Variants in GRIK1 observed in about 807,000 individuals in gnomAD.
GRIK1 encodes glutamate receptor ionotropic, kainate 1.
A neutral mutation model predicts 105.7 loss-of-function variants in GRIK1; 69 were observed. That is an observed-to-expected ratio of 0.65 (90% CI 0.54 to 0.80). The LOEUF (loss-of-function observed/expected upper bound fraction) is 0.80. GRIK1 is among the 30% of genes least tolerant of loss of function. The pLI is 0.00. For synonymous variants in GRIK1, 438 were observed against 431.3 expected, an observed-to-expected ratio of 1.02 and a Z score of -0.19; for missense variants, 1,109 against 1,167.3, an observed-to-expected ratio of 0.95 and a Z score of 0.73.
intron 1 of GRIK1, among the ~76,000 whole-genome samples, chr21:29,833,856 T>C (rs1363208077): frequency 6.6e-6 from 1 of 152,200 alleles, no homozygotes; most frequent in Non-Finnish European, 1.5e-5. Context: ...ATTTCTTAAC[T>C]GCCATGAATA....
At chr21:29,659,409 G>C (rs1568943478) in intron 4 of GRIK1, among the ~76,000 whole-genome samples, 2 of 152,072 alleles carry the variant, frequency 1.3e-5, no homozygotes, top group African/African-American at 2.4e-5. Context: ...CATTGTTACA[G>C]AATTAATTAT....
intron 4 of GRIK1, among the ~76,000 whole-genome samples, chr21:29,662,786 A>G (rs1055210893): frequency 3.3e-5 from 5 of 152,182 alleles, no homozygotes; most frequent in East Asian, 1.9e-4. Context: ...AATAATTTAT[A>G]TCAGTGTTTC....
chr21:29,666,116 TA>T (rs1172383712), intron 4 of GRIK1, among the ~76,000 whole-genome samples: 3 of 152,048 alleles, frequency 2.0e-5, no homozygotes, highest in Non-Finnish European at 4.4e-5. Context: ...GAAAAATAAA[TA>T]AATAAGCCAG....
rs1217737235 is a variant in GRIK1, at chr21:29,891,486, T to C, written c.118+47897A>G. Among the ~76,000 whole-genome samples the C allele has an allele frequency of 2.0e-5, 3 of 152,168 alleles. No homozygotes were observed. In the East Asian group the frequency reaches 5.8e-4, roughly 29 times the overall value. ...AATGCATTCTACATCTAGAAAATGG[T>C]TATGTCTAAAAATTCCATTCCTTCC... On this transcript the variant is annotated intron_variant, in intron 1 of 17. Coordinates refer to ENST00000327783, the MANE Select transcript of GRIK1 (RefSeq NM_001330994.2).
intron 1 of GRIK1, among the ~76,000 whole-genome samples, chr21:29,823,339 T>C (rs2067357233): frequency 6.6e-6 from 1 of 151,928 alleles, no homozygotes; most frequent in Non-Finnish European, 1.5e-5. Flanking sequence ...AAAGATAGTA[T>C]GAGGGGAGAT....
chr21:29,841,028 A>T lies in GRIK1; in HGVS notation c.118+98355T>A, dbSNP rs932407942. Among the ~76,000 whole-genome samples, 5 of 152,208 alleles carry T rather than the reference A, an allele frequency of 3.3e-5. No individual in the cohort carries two copies. The East Asian group carries it at 9.6e-4, about 29-fold the overall frequency. On this transcript the variant is annotated intron_variant, in intron 1 of 17. Transcript: ENST00000327783. ...ATGGTCTGGCATTGTTTAACCATCT[A>T]GAAAAACCATATGTAATATTTAGCT...
At chr21:29,630,616 T>G in intron 7 of GRIK1, 1 of 471,190 alleles carries the variant, frequency 2.1e-6, no homozygotes, top group Non-Finnish European at 4.4e-6. Flanking sequence ...ACCTTGAACC[T>G]AGAATGAGAC....
rs2090223930 is a variant in GRIK1 at position 29,555,303 on chromosome 21, C to T, written c.2357-1G>A. 5.6e-6 allele frequency: 9 copies of T among 1,612,166 alleles called. No homozygotes were observed. Among genetic ancestry groups the T allele is most frequent in the Non-Finnish European group, 7.6e-6 (9 of 1,179,130 alleles). ...GTAATTTTATCCCGGTAAGGAGAAC[C>T]TGGAAGTAAAACCATCTGGATATTG... On this transcript the variant is annotated splice_acceptor_variant, in intron 15 of 17. Coordinates refer to ENST00000327783, the MANE Select transcript of GRIK1 (RefSeq NM_001330994.2). LOFTEE classifies it high-confidence loss of function.
At chr21:29,672,846 C>A in intron 4 of GRIK1, 137 bp downstream of exon 4, 1 of 676,090 alleles carries the variant, frequency 1.5e-6, no homozygotes, top group East Asian at 2.6e-5. Context: ...TAAAAGGGCT[C>A]TGAAAATTAT....
chr21:29,557,688 G>GA (rs1010969768), intron 15 of GRIK1, among the ~76,000 whole-genome samples: 1 of 152,146 alleles, frequency 6.6e-6, no homozygotes, highest in African/African-American at 2.4e-5. Flanking sequence ...AATTTTTGGT[G>GA]AAAAAAATGG....
At chr21:29,914,730 C>T (rs1424150452) in intron 1 of GRIK1, among the ~76,000 whole-genome samples, 2 of 152,016 alleles carry the variant, frequency 1.3e-5, no homozygotes, top group African/African-American at 4.8e-5. Flanking sequence ...CCTTTCCCTG[C>T]CATGTTGAGA....
chr21:29,673,176 C>T lies in GRIK1; in HGVS notation c.545-12G>A, dbSNP rs1177177047. ...TAGACGAATTAGACCTAGAAAATGA[C>T]ATGCAATCATGCAATGGAGACTGTT... On this transcript the variant is annotated splice_polypyrimidine_tract_variant and intron_variant, in intron 3 of 17. Coordinates refer to ENST00000327783, the MANE Select transcript of GRIK1 (RefSeq NM_001330994.2). The T allele has an allele frequency of 6.5e-7, 1 of 1,536,202 alleles. No individual in the cohort carries two copies. The highest frequency in any genetic ancestry group is 9.0e-7 in the Non-Finnish European group (1 of 1,111,180).
In GRIK1 at chr21:29,683,854, C is replaced by A. The variant is rs141618012; in HGVS notation, c.544+5874G>T. Among the ~76,000 whole-genome samples, 236 of 152,342 alleles carry A rather than the reference C, an allele frequency of 1.5e-3. 2 individuals are homozygous for A. Among genetic ancestry groups the A allele is most frequent in the African/African-American group, 5.5e-3 (229 of 41,582 alleles). On this transcript the variant is annotated intron_variant, in intron 3 of 17. Coordinates refer to ENST00000327783, the MANE Select transcript of GRIK1 (RefSeq NM_001330994.2). ...TGAAATACTTAATGATGGGGTTCAG[C>A]ACAGTGCTACCAGGAAATAGTTATT...
chr21:29,606,690 CAAAACA>C (rs1601247683), intron 7 of GRIK1, among the ~76,000 whole-genome samples: 1 of 150,378 alleles, frequency 6.6e-6, no homozygotes, highest in East Asian at 1.9e-4. Context: ...CAAAACAAAA[CAAAACA>C]AAAAAAACAA....
At chr21:29,885,316 T>C (rs1044798728) in intron 1 of GRIK1, among the ~76,000 whole-genome samples, 1 of 152,104 alleles carries the variant, frequency 6.6e-6, no homozygotes, top group African/African-American at 2.4e-5. Context: ...TAACTAAATA[T>C]AGGCATATTA....
chr21:29,659,301 G>A (rs2062915386), intron 4 of GRIK1, among the ~76,000 whole-genome samples: 1 of 152,162 alleles, frequency 6.6e-6, no homozygotes, highest in Non-Finnish European at 1.5e-5. Flanking sequence ...CAGATCTGAT[G>A]TAGCTGAGTT....
chr21:29,670,315 A>T (rs571651216), intron 4 of GRIK1, among the ~76,000 whole-genome samples: 1 of 152,318 alleles, frequency 6.6e-6, no homozygotes, highest in South Asian at 2.1e-4. Context: ...TGTCTGTGTC[A>T]GTGGTTGGTA....
intron 1 of GRIK1, among the ~76,000 whole-genome samples, chr21:29,890,992 G>T (rs1443507843): frequency 2.0e-5 from 3 of 152,116 alleles, no homozygotes; most frequent in Non-Finnish European, 2.9e-5. Context: ...ATACTGAGGA[G>T]ACTAGAATAT....
intron 1 of GRIK1, among the ~76,000 whole-genome samples, chr21:29,698,003 T>C (rs2063743456): frequency 6.6e-6 from 1 of 151,332 alleles, no homozygotes; most frequent in Non-Finnish European, 1.5e-5. Flanking sequence ...TTCTCTTTCT[T>C]TCTTTCCTTC....
Sources: allele counts gnomAD v4.1 joint callset (sites outside exome capture counted in the v4.1 genomes callset), GRCh38; gene constraint gnomAD v4.1.1; transcripts MANE v1.5; gene names NCBI Gene and HGNC (gene_info 2026-07-23, HGNC 2026-07-21).